EXTL3: variants seen among roughly 807,000 people sequenced by gnomAD.
The protein encoded by EXTL3 is exostosin-like 3.
Under a neutral mutation model 69.3 loss-of-function variants are expected in EXTL3, and 27 were observed. The ratio of observed to expected loss-of-function variants is 0.39; its 90% CI spans 0.29 to 0.54. EXTL3 has a LOEUF of 0.54. Among genes scored for constraint, EXTL3 ranks in the 20% least tolerant of loss-of-function variants. EXTL3 has a pLI of 0.69. For synonymous variants in EXTL3, 511 were observed against 499.4 expected (o/e 1.02, Z -0.31); for missense variants, 1,003 against 1,231.8 (o/e 0.81, Z 2.78).
At chr8:28,638,883 A>G (rs1179809341) in intron 1 of EXTL3, among the ~76,000 whole-genome samples, 2 of 151,828 alleles carry the variant, frequency 1.3e-5, no homozygotes, top group Non-Finnish European at 2.9e-5. Context: ...CGCCCACCTC[A>G]ACGTCCCAAA....
At chr8:28,647,405 G>A (rs1236021873) in intron 1 of EXTL3, among the ~76,000 whole-genome samples, 2 of 152,096 alleles carry the variant, frequency 1.3e-5, no homozygotes, top group African/African-American at 4.8e-5. Context: ...TTCTTTTTAT[G>A]TGACAGCCAC....
upstream of EXTL3, chr8:28,698,513 A>G (rs1800719882): frequency 6.6e-6 from 1 of 152,232 alleles, no homozygotes; most frequent in African/African-American, 2.4e-5. Flanking sequence ...AAAAGGGTTT[A>G]GCTTATTGCC....
chr8:28,697,671 C>T (rs1563206938), upstream of EXTL3: 1 of 151,918 alleles, frequency 6.6e-6, no homozygotes, highest in Non-Finnish European at 1.5e-5. Flanking sequence ...CCCATCTCTA[C>T]TAAAAATAAA....
At chr8:28,649,845 A>G (rs1806888859) in intron 1 of EXTL3, among the ~76,000 whole-genome samples, 1 of 142,072 alleles carries the variant, frequency 7.0e-6, no homozygotes, top group African/African-American at 2.6e-5. Flanking sequence ...CTTAAATTCT[A>G]TAAAGTTTTG....
At chr8:28,728,026 G>A (rs1214994123) in intron 3 of EXTL3, among the ~76,000 whole-genome samples, 1 of 152,206 alleles carries the variant, frequency 6.6e-6, no homozygotes, top group African/African-American at 2.4e-5. Context: ...ATTTTAAGCT[G>A]TGTGAGGGGG....
At chr8:28,677,191 C>T (rs1261364958) in intron 1 of EXTL3, among the ~76,000 whole-genome samples, 1 of 152,056 alleles carries the variant, frequency 6.6e-6, no homozygotes, top group African/African-American at 2.4e-5. Flanking sequence ...ATGAAAGCAC[C>T]AGAGATGTGC....
intron 1 of EXTL3, among the ~76,000 whole-genome samples, chr8:28,649,379 C>T (rs1806882741): frequency 6.6e-6 from 1 of 152,202 alleles, no homozygotes; most frequent in Non-Finnish European, 1.5e-5. Flanking sequence ...TCCTCTGTCT[C>T]TACCATGCTT....
intron 1 of EXTL3, among the ~76,000 whole-genome samples, chr8:28,710,865 TTGTC>T (rs1801019087): frequency 6.6e-6 from 1 of 152,114 alleles, no homozygotes; most frequent in Non-Finnish European, 1.5e-5. Context: ...GGTACTGTCT[TTGTC>T]TGGCTTTAGT....
Position 28,751,957 on chromosome 8 carries a change from ACAG to A in EXTL3, c.*1094_*1096del, listed in dbSNP as rs1802016262. ...CCCACCCGGCTGGCCGGGAAGTTTT[ACAG>A]CAAGGCGCCTGCCTTGGGATAATTC... On this transcript the variant is annotated 3_prime_UTR_variant, in exon 7 of 7. Transcript: ENST00000220562. 1 of 152,396 alleles carries A rather than the reference ACAG, an allele frequency of 6.6e-6. No individual in the cohort carries two copies. The highest frequency in any genetic ancestry group is 6.5e-5 in the Admixed American group (1 of 15,294). The allele number at this position is 152,396 out of a possible 1,614,324, so 9.4% of individuals were successfully genotyped here. A position where few individuals can be genotyped will look rare whatever the true frequency, so the allele number is the denominator to read the frequency against.
At chr8:28,629,448 C>T (rs1396643356) in intron 1 of EXTL3, among the ~76,000 whole-genome samples, 3 of 151,786 alleles carry the variant, frequency 2.0e-5, no homozygotes, top group South Asian at 2.1e-4. Context: ...ATCTGAGGGC[C>T]GACAACGTGT....
intron 1 of EXTL3, chr8:28,696,236 T>C (rs1800684430): frequency 6.6e-6 from 1 of 152,104 alleles, no homozygotes; most frequent in Non-Finnish European, 1.5e-5. Context: ...AAGGATGACA[T>C]ACATATAGAA....
At chr8:28,671,193 G>A (rs541915837) in intron 1 of EXTL3, among the ~76,000 whole-genome samples, 1 of 151,892 alleles carries the variant, frequency 6.6e-6, no homozygotes, top group Non-Finnish European at 1.5e-5. Flanking sequence ...TGTTGGCTAG[G>A]CTAGTCTTGA....
chr8:28,653,341 G>A (rs1180512715), intron 1 of EXTL3, among the ~76,000 whole-genome samples: 2 of 152,128 alleles, frequency 1.3e-5, no homozygotes, highest in African/African-American at 4.8e-5. Flanking sequence ...TCTCTTGATA[G>A]TGTCCATTGA....
chr8:28,742,997 A>T, intron 5 of EXTL3, 89 bp from the exon 6 acceptor site: 2 of 1,467,864 alleles, frequency 1.4e-6, no homozygotes. Flanking sequence ...CCACACCCAA[A>T]CAGCCCCTCC....
upstream of EXTL3, chr8:28,622,686 A>T (rs1204934566): frequency 1.7e-5 from 2 of 117,922 alleles, no homozygotes; most frequent in Non-Finnish European, 1.8e-5. Flanking sequence ...CGGGCCGGGG[A>T]TGCGGTGAGC....
intron 1 of EXTL3, among the ~76,000 whole-genome samples, chr8:28,693,876 CTCAG>C (rs1216474477): frequency 6.6e-6 from 1 of 152,230 alleles, no homozygotes; most frequent in Non-Finnish European, 1.5e-5. Flanking sequence ...CACAAAATTG[CTCAG>C]TCATTTATAT....
chr8:28,701,314 C>T (rs1277640228), upstream of EXTL3: 1 of 151,830 alleles, frequency 6.6e-6, no homozygotes, highest in African/African-American at 2.4e-5. Flanking sequence ...CGGCGCGCCC[C>T]CCCGCGCCTC....
At chr8:28,731,480 G>A (rs1257152425) in intron 4 of EXTL3, 130 bp downstream of exon 4, 10 of 927,844 alleles carry the variant, frequency 1.1e-5, no homozygotes, top group South Asian at 2.8e-5. Context: ...GATGTAGGAC[G>A]TGGCTGGATG....
At chr8:28,630,773 G>T (rs75958609) in intron 1 of EXTL3, among the ~76,000 whole-genome samples, 26 of 152,152 alleles carry the variant, frequency 1.7e-4, no homozygotes, top group Non-Finnish European at 3.5e-4. Flanking sequence ...TAACTGGGGC[G>T]GAGGAAGACA....
Sources: gnomAD v4.1 joint callset for allele counts (sites outside exome capture counted in the v4.1 genomes callset) on GRCh38, gnomAD v4.1.1 for gene constraint, MANE v1.5 for transcripts, NCBI Gene and HGNC (gene_info 2026-07-23, HGNC 2026-07-21) for gene names.